Variants in PDS5A observed in about 807,000 individuals in gnomAD.
The protein encoded by PDS5A is sister chromatid cohesion protein PDS5 homolog A.
In PDS5A, 42 loss-of-function variants were observed where a neutral mutation model predicts 167.1. The ratio of observed to expected loss-of-function variants is 0.25; its 90% CI spans 0.20 to 0.33. PDS5A has a LOEUF of 0.33. Among genes scored for constraint, PDS5A ranks in the 10% least tolerant of loss-of-function variants. PDS5A has a pLI of 1.00. For synonymous variants in PDS5A, 553 were observed against 554.6 expected, an observed-to-expected ratio of 1.00 and a Z score of 0.04; for missense variants, 1,033 against 1,605.9, an observed-to-expected ratio of 0.64 and a Z score of 6.10.
chr4:39,826,943 TCATACAGAGACTA>T (rs1715377377), intron 32 of PDS5A, among the ~76,000 whole-genome samples: 2 of 152,192 alleles, frequency 1.3e-5, no homozygotes, highest in Admixed American at 6.5e-5. Context: ...TTATTACAAT[TCATACAGAGACTA>T]TTAATTTGTT....
chr4:39,970,923 T>G (rs1730466775), intron 2 of PDS5A, among the ~76,000 whole-genome samples: 1 of 149,370 alleles, frequency 6.7e-6, no homozygotes, highest in Admixed American at 6.8e-5. Flanking sequence ...CTCACCCTCC[T>G]GAGTAGCTAC....
At chr4:39,903,531 A>T (rs963979433) in intron 12 of PDS5A, among the ~76,000 whole-genome samples, 1 of 152,250 alleles carries the variant, frequency 6.6e-6, no homozygotes, top group Non-Finnish European at 1.5e-5. Flanking sequence ...TCAGAAAATG[A>T]AAACAACTTA....
intron 2 of PDS5A, among the ~76,000 whole-genome samples, chr4:39,936,058 G>A (rs2109756043): frequency 6.6e-6 from 1 of 152,290 alleles, no homozygotes; most frequent in Middle Eastern, 3.4e-3. Flanking sequence ...GAAGCAAGGC[G>A]CAAATGGGGA....
chr4:39,914,119 C>T (rs2109692848), intron 8 of PDS5A, among the ~76,000 whole-genome samples: 1 of 151,760 alleles, frequency 6.6e-6, no homozygotes, highest in South Asian at 2.1e-4. Context: ...AATTTACGTT[C>T]CAACATAAAC....
chr4:39,868,453 G>A (rs1262636480), intron 22 of PDS5A, among the ~76,000 whole-genome samples: 2 of 151,974 alleles, frequency 1.3e-5, no homozygotes, highest in African/African-American at 4.8e-5. Context: ...CTCAGCCTCC[G>A]AAGTAGCTGG....
At chr4:39,892,019 G>A (rs111947671) in intron 16 of PDS5A, among the ~76,000 whole-genome samples, 1 of 152,160 alleles carries the variant, frequency 6.6e-6, no homozygotes, top group African/African-American at 2.4e-5. Context: ...GCTGAGGTGG[G>A]GGGGATCACT....
chr4:39,926,898 T>A (rs1340416858), intron 3 of PDS5A, 37 bp from the exon 4 acceptor site: 43 of 1,354,496 alleles, frequency 3.2e-5, no homozygotes, highest in Non-Finnish European at 4.2e-5. Flanking sequence ...TAGACACAAA[T>A]ACTTTTCTTT....
intron 16 of PDS5A, among the ~76,000 whole-genome samples, chr4:39,894,488 C>T (rs1722229053): frequency 6.6e-6 from 1 of 152,100 alleles, no homozygotes; most frequent in African/African-American, 2.4e-5. Context: ...GCATTTGGCA[C>T]ATCCACATTC....
At chr4:39,887,218 C>T (rs1721551980) in intron 17 of PDS5A, among the ~76,000 whole-genome samples, 1 of 152,118 alleles carries the variant, frequency 6.6e-6, no homozygotes, top group South Asian at 2.1e-4. Context: ...TTTCAATTTA[C>T]CCCATTCAGC....
chr4:39,883,337 C>CA (rs1319319232), intron 17 of PDS5A, among the ~76,000 whole-genome samples: 3 of 152,006 alleles, frequency 2.0e-5, no homozygotes, highest in African/African-American at 7.2e-5. Context: ...CGCACCACCA[C>CA]ACCTGGCTAA....
At chr4:39,909,982 A>G in intron 10 of PDS5A, 3 of 306,740 alleles carry the variant, frequency 9.8e-6, no homozygotes, top group Non-Finnish European at 1.8e-5. Context: ...ACCCGCCTGT[A>G]ATACTCGGGA....
chr4:39,868,840 A>C, intron 22 of PDS5A: 1 of 354,628 alleles, frequency 2.8e-6, no homozygotes, highest in Admixed American at 3.7e-5. Context: ...GAAGCAACAC[A>C]AAGTGAAACA....
intron 2 of PDS5A, among the ~76,000 whole-genome samples, chr4:39,950,055 G>A (rs925177541): frequency 2.6e-5 from 4 of 151,722 alleles, no homozygotes; most frequent in African/African-American, 4.8e-5. Context: ...ACAGGCATGC[G>A]CCACCACGCT....
intron 11 of PDS5A, among the ~76,000 whole-genome samples, chr4:39,907,586 TTTTC>T (rs1255376110): frequency 6.8e-5 from 6 of 87,616 alleles, no homozygotes; most frequent in Admixed American, 1.3e-4. Context: ...TTTTCTTTTC[TTTTC>T]TTTTTTTTTT....
chr4:39,963,473 A>C (rs149903835), intron 2 of PDS5A, among the ~76,000 whole-genome samples: 1 of 152,122 alleles, frequency 6.6e-6, no homozygotes, highest in Non-Finnish European at 1.5e-5. Flanking sequence ...AAAAAAAATT[A>C]GCTGCACACA....
rs756307769 is a variant in PDS5A at position 39,902,360 on chromosome 4, G to C, written c.1486C>G (p.Pro496Ala). 49 of 1,501,070 alleles carry C rather than the reference G, an allele frequency of 3.3e-5. 1 individual carries two copies. The highest frequency in any genetic ancestry group is 4.4e-5 in the Non-Finnish European group (48 of 1,088,644). 93.0% of individuals were successfully genotyped at this position (1,501,070 alleles called of 1,614,324 possible). Residue 496 changes from proline (P) to alanine (A), a missense_variant, in exon 13 of 33, where the codon CCA (proline) becomes GCA (alanine). Around this residue, in one of 4 missense-constraint regions of PDS5A, gnomAD observed 388 missense variants for 615.1 expected, o/e 0.63. Transcript: ENST00000303538. ...AAAGTAACTTACTTTACAGCATTTG[G>C]ATCCAAACTAGCATATAAGTAATAT... Reference protein sequence around the residue: ...CLYYLYASLDPNAVKALNEMW... With the variant: ...CLYYLYASLDANAVKALNEMW...
At chr4:39,973,416 G>A (rs888503315) in intron 2 of PDS5A, 37 of 1,540,190 alleles carry the variant, frequency 2.4e-5, no homozygotes, top group African/African-American at 4.1e-5. Context: ...ACTGTGGAAC[G>A]GTGTGGACAG....
chr4:39,831,261 C>T (rs191303975), intron 32 of PDS5A, among the ~76,000 whole-genome samples: 183 of 152,240 alleles, frequency 1.2e-3, no homozygotes, highest in Middle Eastern at 3.4e-3. Context: ...CCACCATGCC[C>T]GGCTAAATTT....
Position 39,856,740 on chromosome 4 carries a change from T to C in PDS5A, c.3086+5479A>G, listed in dbSNP as rs539917421. On this transcript the variant is annotated intron_variant, in intron 26 of 32. Coordinates refer to ENST00000303538, the MANE Select transcript of PDS5A (RefSeq NM_001100399.2). ...CTGAGGCAGGAGAATTGCTTGAACC[T>C]GGGAGGCAGAGGTTGCAGTGAGCCA... is the stretch of plus-strand genomic sequence containing the variant. Among the ~76,000 whole-genome samples the C allele has an allele frequency of 4.8e-4, 73 of 151,934 alleles. 1 individual carries two copies. The South Asian group carries it at 0.015, about 30-fold the overall frequency.
Sources: allele counts gnomAD v4.1 joint callset (sites outside exome capture counted in the v4.1 genomes callset), GRCh38; gene constraint gnomAD v4.1.1; regional missense constraint gnomAD v4.1.1; transcripts MANE v1.5; gene names NCBI Gene and HGNC (gene_info 2026-07-23, HGNC 2026-07-21).